The following TENM3 variants were observed in gnomAD, a reference collection of about 807,000 sequenced individuals.
TENM3 encodes teneurin transmembrane protein 3, also known as teneurin-3.
Under a neutral mutation model 255.1 loss-of-function variants are expected in TENM3, and 63 were observed. That is an observed-to-expected ratio of 0.25 (90% confidence interval 0.20 to 0.30). TENM3 has a LOEUF of 0.30. Ranked by LOEUF, TENM3 falls within the 10% of genes least tolerant of loss-of-function variation. TENM3 has a pLI of 1.00. For synonymous variants in TENM3, 1,306 were observed against 1,322.3 expected (o/e 0.99, Z 0.27); for missense variants, 2,929 against 3,461.1 (o/e 0.85, Z 3.86).
chr4:182,682,812 T>C (rs1340942999), intron 11 of TENM3, among the ~76,000 whole-genome samples: 2 of 152,146 alleles, frequency 1.3e-5, no homozygotes, highest in African/African-American at 4.8e-5. Flanking sequence ...TAAGTTATGG[T>C]TTGAGAAGAT....
the TENM3 span, among the ~76,000 whole-genome samples, chr4:181,506,399 C>T: frequency 2.0e-5 from 3 of 150,900 alleles, no homozygotes; most frequent in Non-Finnish European, 2.9e-5. Flanking sequence ...TCATTTCTGG[C>T]CGCTGTATCT....
At chr4:182,605,551 G>T (rs1748337174) in intron 4 of TENM3, among the ~76,000 whole-genome samples, 1 of 151,668 alleles carries the variant, frequency 6.6e-6, no homozygotes, top group African/African-American at 2.4e-5. Flanking sequence ...AAATCACTTG[G>T]ATTCTAAGTC....
the TENM3 span, among the ~76,000 whole-genome samples, chr4:181,622,234 C>T: frequency 3.3e-5 from 5 of 152,164 alleles, no homozygotes; most frequent in African/African-American, 7.2e-5. Context: ...GCTATGTGTG[C>T]CCCACTGCCT....
the TENM3 span, among the ~76,000 whole-genome samples, chr4:181,703,290 A>G: frequency 6.6e-6 from 1 of 152,172 alleles, no homozygotes; most frequent in African/African-American, 2.4e-5. Flanking sequence ...AATAGACTGT[A>G]CTTGTCTACT....
the TENM3 span, among the ~76,000 whole-genome samples, chr4:181,988,813 T>A: frequency 6.6e-6 from 1 of 151,836 alleles, no homozygotes; most frequent in Admixed American, 6.6e-5. Context: ...CAGCGCCTTC[T>A]CTTGAGGGAC....
At chr4:182,740,278 AG>A (rs1376228724) in intron 18 of TENM3, among the ~76,000 whole-genome samples, 1 of 152,234 alleles carries the variant, frequency 6.6e-6, no homozygotes, top group Non-Finnish European at 1.5e-5. Context: ...CACATTGAAA[AG>A]GTGGGACTCC....
At chr4:182,239,776 G>A (rs904926544), upstream of TENM3, among the ~76,000 whole-genome samples, 10 of 147,472 alleles carry the variant, frequency 6.8e-5, no homozygotes, top group African/African-American at 2.7e-4. Context: ...TAGTAATACT[G>A]TATCCCAAAT....
At chr4:181,520,987 G>T in the TENM3 span, among the ~76,000 whole-genome samples, 2 of 152,172 alleles carry the variant, frequency 1.3e-5, no homozygotes, top group African/African-American at 4.8e-5. Context: ...AAATCCCAGA[G>T]GGCATGCCAC....
chr4:182,133,249 G>A, the TENM3 span, among the ~76,000 whole-genome samples: 4 of 152,174 alleles, frequency 2.6e-5, no homozygotes, highest in African/African-American at 9.6e-5. Context: ...AAGTGAAGAT[G>A]GCAGGATAGT....
chr4:181,951,847 AGT>A, the TENM3 span, among the ~76,000 whole-genome samples: 2 of 152,234 alleles, frequency 1.3e-5, no homozygotes, highest in Non-Finnish European at 2.9e-5. Flanking sequence ...TGATTTTAGT[AGT>A]TCCAGGAAAT....
intron 3 of TENM3, among the ~76,000 whole-genome samples, chr4:182,374,760 T>G (rs994037913): frequency 1.3e-5 from 2 of 152,168 alleles, no homozygotes; most frequent in African/African-American, 4.8e-5. Context: ...TCTAGAAAAT[T>G]TTTCCCCCAA....
intron 3 of TENM3, among the ~76,000 whole-genome samples, chr4:182,587,956 CTTGAG>C (rs1746213584): frequency 6.6e-6 from 1 of 151,802 alleles, no homozygotes; most frequent in Non-Finnish European, 1.5e-5. Context: ...TATTTTATGA[CTTGAG>C]TTAATACAGT....
the TENM3 span, among the ~76,000 whole-genome samples, chr4:181,951,867 AAAGCTGT>A: frequency 1.3e-5 from 2 of 152,230 alleles, no homozygotes; most frequent in East Asian, 3.9e-4. Context: ...AATGTAATCG[AAAGCTGT>A]AAACCTATGG....
chr4:182,084,000 T>C, the TENM3 span, among the ~76,000 whole-genome samples: 1 of 152,264 alleles, frequency 6.6e-6, no homozygotes, highest in African/African-American at 2.4e-5. Context: ...TAGAAAACAA[T>C]TTAGATGTCA....
chr4:182,159,304 G>C (rs1033541226), intron 1 of TENM3, among the ~76,000 whole-genome samples: 3 of 152,218 alleles, frequency 2.0e-5, no homozygotes. Flanking sequence ...AAGTCCATCT[G>C]TACCATGAAG....
chr4:181,697,475 C>T, the TENM3 span, among the ~76,000 whole-genome samples: 33 of 152,300 alleles, frequency 2.2e-4, 1 homozygote, highest in African/African-American at 7.5e-4. Flanking sequence ...CTCTCTGCAA[C>T]CTCCGCCTCT....
At chr4:182,479,876 T>C (rs966821861) in intron 3 of TENM3, among the ~76,000 whole-genome samples, 1 of 152,028 alleles carries the variant, frequency 6.6e-6, no homozygotes, top group Non-Finnish European at 1.5e-5. Context: ...TTTATGATAT[T>C]GATATTCTGT....
chr4:182,158,551 T>C (rs555562699), intron 1 of TENM3, among the ~76,000 whole-genome samples: 1 of 152,270 alleles, frequency 6.6e-6, no homozygotes, highest in African/African-American at 2.4e-5. Flanking sequence ...ATGTTTTCAG[T>C]TTACAGTACA....
chr4:182,369,593 G>T (rs568843724), intron 3 of TENM3, among the ~76,000 whole-genome samples: 254 of 152,246 alleles, frequency 1.7e-3, no homozygotes, highest in African/African-American at 5.8e-3. Flanking sequence ...TATATTAAAA[G>T]TTTCTGGCCA....
Sources: allele counts gnomAD v4.1 joint callset (sites outside exome capture counted in the v4.1 genomes callset), GRCh38; gene constraint gnomAD v4.1.1; transcripts MANE v1.5; gene names NCBI Gene and HGNC (gene_info 2026-07-23, HGNC 2026-07-21).